MAP3K13: variants seen among roughly 807,000 people sequenced by gnomAD.
The protein encoded by MAP3K13 is mitogen-activated protein kinase kinase kinase 13, also known as leucine zipper-bearing kinase.
A neutral mutation model predicts 104.0 loss-of-function variants in MAP3K13; 52 were observed. The observed-to-expected ratio is 0.50, with a 90% confidence interval of 0.40 to 0.63. MAP3K13 has a LOEUF of 0.63. Among genes scored for constraint, MAP3K13 ranks in the 20% least tolerant of loss-of-function variants. MAP3K13 has a pLI of 0.00. For synonymous variants in MAP3K13, 394 were observed against 442.2 expected, an observed-to-expected ratio of 0.89 and a Z score of 1.37; for missense variants, 914 against 1,218.5, an observed-to-expected ratio of 0.75 and a Z score of 3.72.
At chr3:185,388,445 C>T (rs9811788) in intron 1 of MAP3K13, among the ~76,000 whole-genome samples, 2,478 of 151,986 alleles carry the variant, frequency 0.016, 69 homozygotes, top group African/African-American at 0.056. Context: ...GAGGCTGTAG[C>T]GAGCCATGAT....
At position 185,285,692 on chromosome 3, in the gene MAP3K13, T is replaced by C; in HGVS notation, c.-86+49T>C. 6 of 1,438,466 alleles carry C rather than the reference T, an allele frequency of 4.2e-6. No homozygotes were observed. In the East Asian group the frequency reaches 1.5e-4, roughly 36 times the overall value. The allele number at this position is 1,438,466 out of a possible 1,614,324, so 89.1% of individuals were successfully genotyped here. On this transcript the variant is annotated intron_variant, in intron 2 of 14. Coordinates refer to the MAP3K13 transcript ENST00000424227. ...GTTTGGTGAGATGGTAGACCAATCT[T>C]AAATTTGCCTAGGAAATTATAGGAT...
At chr3:185,469,298 A>G (rs576524261) in intron 10 of MAP3K13, among the ~76,000 whole-genome samples, 38 of 152,338 alleles carry the variant, frequency 2.5e-4, no homozygotes, top group African/African-American at 9.1e-4. Context: ...AAGATAGTCT[A>G]AATACCCTGT....
intron 2 of MAP3K13, among the ~76,000 whole-genome samples, chr3:185,351,268 G>A (rs1343627087): frequency 6.6e-6 from 1 of 152,182 alleles, no homozygotes; most frequent in Non-Finnish European, 1.5e-5. Context: ...CCTGGGTGAT[G>A]AAATAATCTG....
intron 1 of MAP3K13, among the ~76,000 whole-genome samples, chr3:185,367,342 G>C (rs1723936673): frequency 6.6e-6 from 1 of 152,156 alleles, no homozygotes; most frequent in Non-Finnish European, 1.5e-5. Context: ...CTAATGTGCA[G>C]CCGGGCTTGA....
rs141118032 is a variant in MAP3K13, at chr3:185,451,764, G to A, written c.1278+369G>A. Among the ~76,000 whole-genome samples the A allele has an allele frequency of 3.7e-3, 555 of 151,808 alleles. 4 individuals are homozygous for A. Among genetic ancestry groups the A allele is most frequent in the African/African-American group, 0.012 (513 of 41,348 alleles). ...TGCCTGTAATCCCACCTACTCAGGA[G>A]GCTGAGGCAGGAGAATCACTTGAAC... On this transcript the variant is annotated intron_variant, in intron 7 of 13. Coordinates refer to ENST00000265026, the MANE Select transcript of MAP3K13 (RefSeq NM_004721.5).
Position 185,418,841 on chromosome 3 carries a change from C to A in MAP3K13, c.-85-9656C>A, listed in dbSNP as rs547773160. The A allele has an allele frequency of 2.7e-5, 41 of 1,504,092 alleles. No individual in the cohort carries two copies. The highest frequency in any genetic ancestry group is 3.0e-5 in the Non-Finnish European group (33 of 1,113,234). 93.2% of individuals were successfully genotyped at this position (1,504,092 alleles called of 1,614,324 possible). ...GCTGCTGCCACAGGAAAAGCATGTT[C>A]TTGTCTTTTCATCTGTTTTGGGTTT... is the stretch of plus-strand genomic sequence containing the variant. On this transcript the variant is annotated intron_variant, in intron 1 of 13. Coordinates refer to ENST00000265026, the MANE Select transcript of MAP3K13 (RefSeq NM_004721.5). The surrounding 1 kb of genome is among the most constrained non-coding windows in gnomAD (Gnocchi z 4.5).
chr3:185,411,794 T>C (rs1713464114), intron 1 of MAP3K13, among the ~76,000 whole-genome samples: 1 of 149,810 alleles, frequency 6.7e-6, no homozygotes, highest in Non-Finnish European at 1.5e-5. Context: ...TTTTTTTTTT[T>C]TTTTTTTTGA....
Position 185,447,837 on chromosome 3 carries a change from A to G in MAP3K13, c.900A>G (p.Thr300=), listed in dbSNP as rs751822764. The G allele has an allele frequency of 6.8e-6, 11 of 1,613,810 alleles. No homozygotes were observed. The East Asian group carries it at 2.2e-4, about 33-fold the overall frequency. The change falls in exon 5 of 14, where the codon ACA becomes ACG. Residue 300 remains threonine (T), a synonymous_variant. Coordinates refer to ENST00000265026, the MANE Select transcript of MAP3K13 (RefSeq NM_004721.5). ...TDAVKISDFG[T]SKELSDKSTK... ...CGGTAAAAATTTCAGATTTTGGTAC[A>G]TCTAAGGAACTCAGTGACAAAAGTA...
chr3:185,360,637 G>A (rs1307885309), upstream of MAP3K13, among the ~76,000 whole-genome samples: 4 of 151,942 alleles, frequency 2.6e-5, no homozygotes, highest in African/African-American at 9.7e-5. Context: ...AGTCCATAAA[G>A]CCCCCAAGTT....
intron 2 of MAP3K13, chr3:185,329,139 A>G (rs1040254937): frequency 1.5e-6 from 1 of 677,762 alleles, no homozygotes; most frequent in South Asian, 1.6e-5. Context: ...TTAATGGAAA[A>G]GAAAGCCGTG....
At chr3:185,312,129 A>T (rs1420262925) in intron 2 of MAP3K13, among the ~76,000 whole-genome samples, 2 of 152,230 alleles carry the variant, frequency 1.3e-5, no homozygotes, top group Non-Finnish European at 2.9e-5. Context: ...CCACGTGAAG[A>T]GGAACTCCTT....
chr3:185,426,339 G>A (rs1023665496), intron 1 of MAP3K13, among the ~76,000 whole-genome samples: 8 of 152,206 alleles, frequency 5.3e-5, no homozygotes, highest in Non-Finnish European at 7.4e-5. Context: ...CTTGGCCTCC[G>A]AAAGTTTTGG....
chr3:185,452,069 ACAGAC>A (rs1261779538), intron 7 of MAP3K13, among the ~76,000 whole-genome samples: 1 of 152,174 alleles, frequency 6.6e-6, no homozygotes, highest in African/African-American at 2.4e-5. Context: ...AAGCTGAAGT[ACAGAC>A]GTGGGAGGTT....
chr3:185,483,891 T>G lies in MAP3K13; in HGVS notation c.*1435T>G. ...CCACGCCTGGCTAATTTTGTATTTT[T>G]AGTAGACACGGGGTTTCACCATGTT... On this transcript the variant is annotated 3_prime_UTR_variant, in exon 14 of 14. Transcript: ENST00000265026. The G allele has an allele frequency of 6.5e-6, 1 of 152,770 alleles. No individual in the cohort carries two copies. The highest frequency in any genetic ancestry group is 1.9e-4 in the East Asian group (1 of 5,322). 9.5% of individuals were successfully genotyped at this position (152,770 alleles called of 1,614,324 possible).
At chr3:185,307,546 C>CCCCCCCCCCCCCCCCCCCCCCCCCCCA (rs58408265) in intron 2 of MAP3K13, among the ~76,000 whole-genome samples, 19 of 104,048 alleles carry the variant, frequency 1.8e-4, no homozygotes, top group East Asian at 3.2e-4. Flanking sequence ...GCACCACCCC[C>CCCCCCCCCCCCCCCCCCCCCCCCCCCA]TCCCCCGCCA....
intron 3 of MAP3K13, among the ~76,000 whole-genome samples, chr3:185,438,182 C>T (rs774136932): frequency 9.9e-5 from 15 of 151,678 alleles, no homozygotes; most frequent in Non-Finnish European, 2.2e-4. Context: ...TGTAGTCCTA[C>T]CTACTTAAGA....
Position 185,391,987 on chromosome 3 carries a change from G to A in MAP3K13, c.-86+28619G>A, listed in dbSNP as rs116262996. ...CCTTGAGAAGGATTTTTATAGTGAA[G>A]TTTCTATTATTATCCTGGGACCATA... On this transcript the variant is annotated intron_variant, in intron 1 of 13. Transcript: ENST00000265026. 3.6e-3 allele frequency among the ~76,000 whole-genome samples: 554 copies of A among 152,152 alleles called. 3 individuals are homozygous for A. The highest frequency in any genetic ancestry group is 0.013 in the African/African-American group (524 of 41,506).
chr3:185,333,396 A>G (rs1236156240), intron 2 of MAP3K13, among the ~76,000 whole-genome samples: 1 of 152,212 alleles, frequency 6.6e-6, no homozygotes, highest in African/African-American at 2.4e-5. Flanking sequence ...CAAAAACAAA[A>G]AAGGAAAAAG....
chr3:185,343,592 A>G (rs904230197), intron 2 of MAP3K13, among the ~76,000 whole-genome samples: 1 of 152,082 alleles, frequency 6.6e-6, no homozygotes, highest in African/African-American at 2.4e-5. Context: ...AGCTGGGACT[A>G]CAGGCACGTG....
Sources: gnomAD v4.1 joint callset for allele counts (sites outside exome capture counted in the v4.1 genomes callset) on GRCh38, gnomAD v4.1.1 for gene constraint, Gnocchi (gnomAD v3.1) non-coding constraint, MANE v1.5 for transcripts, NCBI Gene and HGNC (gene_info 2026-07-23, HGNC 2026-07-21) for gene names.